The following PRKCA variants were observed in gnomAD, a reference collection of about 807,000 sequenced individuals.
PRKCA encodes the protein protein kinase C alpha type.
In PRKCA, 27 loss-of-function variants were observed where a neutral mutation model predicts 87.0. That is an observed-to-expected ratio of 0.31 (90% CI 0.23 to 0.43). PRKCA has a LOEUF of 0.43. Among genes scored for constraint, PRKCA ranks in the 20% least tolerant of loss-of-function variants. The pLI is 1.00. For missense variants in PRKCA, 518 were observed against 852.3 expected (o/e 0.61, Z 4.88); for synonymous variants, 329 against 311.1 (o/e 1.06, Z -0.61).
At chr17:66,445,620 G>GCT (rs1396058468) in intron 2 of PRKCA, among the ~76,000 whole-genome samples, 4 of 152,150 alleles carry the variant, frequency 2.6e-5, no homozygotes, top group African/African-American at 9.7e-5. Context: ...CTGAGGTGAT[G>GCT]CTCAGGACAG....
intron 3 of PRKCA, among the ~76,000 whole-genome samples, chr17:66,583,707 AGAT>A (rs1340849003): frequency 2.0e-5 from 3 of 152,170 alleles, no homozygotes; most frequent in African/African-American, 7.2e-5. Context: ...GTGGGATTAC[AGAT>A]GATAAGTATT....
At chr17:66,350,273 G>T (rs1489361277) in intron 2 of PRKCA, among the ~76,000 whole-genome samples, 2 of 152,052 alleles carry the variant, frequency 1.3e-5, no homozygotes, top group Admixed American at 6.6e-5. Flanking sequence ...GAGAGGAAGG[G>T]CTCAGGAAAG....
intron 2 of PRKCA, among the ~76,000 whole-genome samples, chr17:66,384,820 C>T (rs919523868): frequency 8.6e-5 from 13 of 151,960 alleles, no homozygotes; most frequent in South Asian, 2.1e-4. Context: ...TTAGTAGAGA[C>T]GGGGTTTCAC....
At chr17:66,398,774 A>C (rs1315604362) in intron 2 of PRKCA, among the ~76,000 whole-genome samples, 1 of 152,182 alleles carries the variant, frequency 6.6e-6, no homozygotes, top group Non-Finnish European at 1.5e-5. Context: ...TCTTTTGATA[A>C]GTAAAATTAT....
intron 2 of PRKCA, among the ~76,000 whole-genome samples, chr17:66,353,195 C>T (rs1907854329): frequency 6.6e-6 from 1 of 152,126 alleles, no homozygotes; most frequent in Non-Finnish European, 1.5e-5. Flanking sequence ...ATTTGAAATC[C>T]TTTCCATTAA....
At chr17:66,795,573 G>A (rs1193128310) in intron 16 of PRKCA, among the ~76,000 whole-genome samples, 2 of 152,206 alleles carry the variant, frequency 1.3e-5, no homozygotes, top group East Asian at 3.8e-4. Context: ...GCTTAGCAGA[G>A]AAATTGGAAG....
intron 2 of PRKCA, among the ~76,000 whole-genome samples, chr17:66,311,581 C>T (rs1464986057): frequency 6.6e-6 from 1 of 152,186 alleles, no homozygotes; most frequent in Non-Finnish European, 1.5e-5. Context: ...CGTGCCACTG[C>T]ATTCCAGCCT....
intron 2 of PRKCA, among the ~76,000 whole-genome samples, chr17:66,404,818 C>T (rs950912088): frequency 5.3e-5 from 7 of 132,856 alleles, no homozygotes; most frequent in African/African-American, 1.7e-4. Context: ...GGCACGATCT[C>T]GGCTCACTGC....
chr17:66,442,553 G>T (rs1205258983), intron 2 of PRKCA, among the ~76,000 whole-genome samples: 1 of 152,100 alleles, frequency 6.6e-6, no homozygotes, highest in African/African-American at 2.4e-5. Context: ...TCCTTAAACT[G>T]GCCTACAAGG....
chr17:66,359,427 C>T (rs1016742332), intron 2 of PRKCA, among the ~76,000 whole-genome samples: 3 of 152,168 alleles, frequency 2.0e-5, no homozygotes, highest in Non-Finnish European at 4.4e-5. Context: ...AACTGGTTTT[C>T]CTGCCTGCTT....
chr17:66,347,268 G>A (rs1453280833), intron 2 of PRKCA, among the ~76,000 whole-genome samples: 4 of 152,096 alleles, frequency 2.6e-5, no homozygotes, highest in Non-Finnish European at 5.9e-5. Context: ...TCCCTCTTCT[G>A]TCTGACTTAA....
intron 2 of PRKCA, among the ~76,000 whole-genome samples, chr17:66,327,127 T>G (rs1906026102): frequency 1.3e-5 from 2 of 151,446 alleles, no homozygotes; most frequent in African/African-American, 4.9e-5. Context: ...TCTCAGCACT[T>G]TGGGAGGCAG....
At chr17:66,477,752 A>G (rs1915595228) in intron 2 of PRKCA, among the ~76,000 whole-genome samples, 1 of 152,192 alleles carries the variant, frequency 6.6e-6, no homozygotes. Flanking sequence ...TGTACAATTC[A>G]CCCATTTAAA....
chr17:66,453,098 C>CA (rs1163425973), intron 2 of PRKCA, among the ~76,000 whole-genome samples: 5 of 152,302 alleles, frequency 3.3e-5, no homozygotes, highest in African/African-American at 1.2e-4. Flanking sequence ...CTGGAGCCCT[C>CA]ATTCCCCTCA....
chr17:66,648,952 A>G (rs1971519310), intron 5 of PRKCA, among the ~76,000 whole-genome samples: 1 of 152,030 alleles, frequency 6.6e-6, no homozygotes, highest in East Asian at 1.9e-4. Flanking sequence ...AAATTAGCCA[A>G]GTATGGTGGC....
At chr17:66,467,515 A>G (rs1007485479) in intron 2 of PRKCA, among the ~76,000 whole-genome samples, 2 of 152,206 alleles carry the variant, frequency 1.3e-5, no homozygotes, top group African/African-American at 4.8e-5. Context: ...TATCACCAAT[A>G]GTACCTGCTC....
rs1162526332 is a variant in PRKCA, at chr17:66,765,445, TATATATATATCCATATATATAC to T, written c.1525-8537_1525-8516del. Among the ~76,000 whole-genome samples the T allele has an allele frequency of 5.0e-5, 7 of 139,560 alleles. No homozygotes were observed. The South Asian group carries it at 1.3e-3, about 27-fold the overall frequency. 91.6% of individuals were successfully genotyped at this position (139,560 alleles called of 152,430 possible). ...ATATATATATATATATATATATATATATATATATATCCATATATATACATATTTGTCCATATATATATATTTG... is the reference window on the plus strand; with the variant it reads ...ATATATATATATATATATATATATATATATTTGTCCATATATATATATTTG... On this transcript the variant is annotated intron_variant, in intron 13 of 16. Coordinates refer to ENST00000413366, the MANE Select transcript of PRKCA (RefSeq NM_002737.3).
At chr17:66,358,972 T>C (rs957939438) in intron 2 of PRKCA, among the ~76,000 whole-genome samples, 2 of 152,062 alleles carry the variant, frequency 1.3e-5, no homozygotes, top group Non-Finnish European at 2.9e-5. Flanking sequence ...TGGTGAATAA[T>C]GAAATCAGGT....
At chr17:66,624,961 G>C (rs10451280) in intron 3 of PRKCA, among the ~76,000 whole-genome samples, 17,716 of 152,176 alleles carry the variant, frequency 0.12, 1,402 homozygotes, top group African/African-American at 0.22. Context: ...CTATATTGAA[G>C]AGTGTGGATA....
Sources: allele counts gnomAD v4.1 joint callset (sites outside exome capture counted in the v4.1 genomes callset), GRCh38; gene constraint gnomAD v4.1.1; transcripts MANE v1.5; gene names NCBI Gene and HGNC (gene_info 2026-07-23, HGNC 2026-07-21).